RCBTB1: variants seen among roughly 807,000 people sequenced by gnomAD.
The protein encoded by RCBTB1 is RCC1 and BTB domain-containing protein 1.
A neutral mutation model predicts 62.4 loss-of-function variants in RCBTB1; 46 were observed. That is an observed-to-expected ratio of 0.74 (90% CI 0.58 to 0.94). The LOEUF is 0.94. RCBTB1 is among the 40% of genes least tolerant of loss of function. The pLI, the probability that RCBTB1 is intolerant of heterozygous loss-of-function variation, is 0.00. For synonymous variants in RCBTB1, 222 were observed against 245.8 expected, an observed-to-expected ratio of 0.90 and a Z score of 0.91; for missense variants, 565 against 654.9, an observed-to-expected ratio of 0.86 and a Z score of 1.50.
intron 6 of RCBTB1, among the ~76,000 whole-genome samples, chr13:49,552,884 G>C (rs1280742893): frequency 6.6e-6 from 1 of 152,046 alleles, no homozygotes; most frequent in Non-Finnish European, 1.5e-5. Flanking sequence ...GGTAGTGGTA[G>C]TAGAAAGACT....
chr13:49,534,989 G>A lies in RCBTB1; in HGVS notation c.1456-727C>T, dbSNP rs140664292. Reference sequence around the variant, plus strand: ...GCAGAGGTTGCGGTGAGCCGAGATCGCACCACTGCACTCTAGCCTGGGTGA... The same window carrying A: ...GCAGAGGTTGCGGTGAGCCGAGATCACACCACTGCACTCTAGCCTGGGTGA... On this transcript the variant is annotated intron_variant, in intron 12 of 12. Coordinates refer to ENST00000378302, the MANE Select transcript of RCBTB1 (RefSeq NM_018191.4). Among the ~76,000 whole-genome samples the A allele has an allele frequency of 2.3e-3, 344 of 149,552 alleles. 1 individual carries two copies. Among genetic ancestry groups the A allele is most frequent in the African/African-American group, 8.0e-3 (321 of 40,032 alleles).
At position 49,540,859 on chromosome 13, in the gene RCBTB1, T is replaced by C; in HGVS notation, c.1455+17A>G. ...GGAGTTAAAGGTGGTCTGGTTTCTG[T>C]TTGTTGTTTAAGTTACCTCTGCATC... On this transcript the variant is annotated intron_variant, in intron 12 of 12. Transcript: ENST00000378302. 6.2e-7 allele frequency: 1 copy of C among 1,609,690 alleles called. No homozygotes were observed. Among genetic ancestry groups the C allele is most frequent in the South Asian group, 1.1e-5 (1 of 90,070 alleles).
chr13:49,542,168 T>C (rs1172697197), intron 10 of RCBTB1, among the ~76,000 whole-genome samples: 1 of 151,038 alleles, frequency 6.6e-6, no homozygotes, highest in African/African-American at 2.4e-5. Context: ...GAGCCGAGAT[T>C]GCGCTTCTGC....
chr13:49,543,673 C>T (rs1275388662), intron 10 of RCBTB1, among the ~76,000 whole-genome samples: 1 of 152,174 alleles, frequency 6.6e-6, no homozygotes, highest in Non-Finnish European at 1.5e-5. Flanking sequence ...AGGTCCCTCA[C>T]ATTTATACAA....
intron 10 of RCBTB1, among the ~76,000 whole-genome samples, chr13:49,544,409 C>T (rs567347016): frequency 1.3e-4 from 20 of 152,232 alleles, no homozygotes; most frequent in South Asian, 1.0e-3. Context: ...GCAGAGGTTG[C>T]GGTGAGCTGA....
At chr13:49,535,712 C>T (rs1212227364) in intron 12 of RCBTB1, among the ~76,000 whole-genome samples, 1 of 152,130 alleles carries the variant, frequency 6.6e-6, no homozygotes, top group Non-Finnish European at 1.5e-5. Context: ...GAAACCCATC[C>T]AGTCACATAA....
intron 10 of RCBTB1, among the ~76,000 whole-genome samples, chr13:49,544,180 A>G (rs1422649702): frequency 6.6e-6 from 1 of 152,196 alleles, no homozygotes; most frequent in Non-Finnish European, 1.5e-5. Flanking sequence ...AATTTAAAAA[A>G]CAATATAAGC....
chr13:49,539,119 G>A (rs1374358636), intron 12 of RCBTB1, among the ~76,000 whole-genome samples: 2 of 151,678 alleles, frequency 1.3e-5, no homozygotes, highest in African/African-American at 2.4e-5. Flanking sequence ...GCCCACCTTG[G>A]CCTCCCAAAG....
chr13:49,540,496 T>C (rs1486310527), intron 12 of RCBTB1, among the ~76,000 whole-genome samples: 1 of 152,210 alleles, frequency 6.6e-6, no homozygotes, highest in African/African-American at 2.4e-5. Context: ...CCCCAGCTTA[T>C]GACAGGGCAG....
chr13:49,540,781 T>C (rs998699490), intron 12 of RCBTB1, 95 bp downstream of exon 12: 2 of 1,323,964 alleles, frequency 1.5e-6, no homozygotes, highest in East Asian at 4.9e-5. Flanking sequence ...AGAAGTGGAG[T>C]GACTCATCGT....
At chr13:49,565,152 T>C (rs1331734533) in intron 4 of RCBTB1, among the ~76,000 whole-genome samples, 3 of 152,184 alleles carry the variant, frequency 2.0e-5, no homozygotes, top group Non-Finnish European at 4.4e-5. Flanking sequence ...GTGCCTGCGA[T>C]TGCAGGGGCG....
At chr13:49,548,264 C>T (rs1056930723) in intron 9 of RCBTB1, among the ~76,000 whole-genome samples, 5 of 151,764 alleles carry the variant, frequency 3.3e-5, no homozygotes, top group Non-Finnish European at 7.4e-5. Flanking sequence ...TGGTGGCACG[C>T]GCCTGTAATC....
At chr13:49,559,883 A>C in intron 5 of RCBTB1, 35 bp downstream of exon 5, 1 of 1,580,132 alleles carries the variant, frequency 6.3e-7, no homozygotes, top group South Asian at 1.2e-5. Flanking sequence ...ATGATGAAAA[A>C]AAAAAAGAAT....
At chr13:49,539,465 TTGAGCCGAGACA>T (rs1222267353) in intron 12 of RCBTB1, 1 of 152,208 alleles carries the variant, frequency 6.6e-6, no homozygotes, top group Non-Finnish European at 1.5e-5. Flanking sequence ...TTCCAGCAAC[TTGAGCCGAGACA>T]TCTGCCTCTG....
chr13:49,555,329 A>C (rs1961753985), intron 6 of RCBTB1, among the ~76,000 whole-genome samples, 186 bp downstream of exon 6: 1 of 152,266 alleles, frequency 6.6e-6, no homozygotes, highest in African/African-American at 2.4e-5. Flanking sequence ...AAATCCTGGA[A>C]TTTAGAAAAG....
In RCBTB1 at chr13:49,532,196, A is replaced by AAAAAG. The variant is rs1959613137; in HGVS notation, c.*1925_*1926insCTTTT. The AAAAAG allele has an allele frequency of 6.6e-6, 1 of 151,802 alleles. No homozygotes were observed. The highest frequency in any genetic ancestry group is 1.5e-5 in the Non-Finnish European group (1 of 67,706). The allele number at this position is 151,802 out of a possible 1,614,324, so 9.4% of individuals were successfully genotyped here. On this transcript the variant is annotated 3_prime_UTR_variant, in exon 13 of 13. Transcript: ENST00000378302. ...AAAATAAGAGAGTGTATTTAAAAAA[A>AAAAAG]ATAATCAAATGCTTTTTGAAAGACC...
intron 9 of RCBTB1, 144 bp from the exon 10 acceptor site, chr13:49,545,007 T>C: frequency 1.6e-6 from 1 of 617,806 alleles, no homozygotes; most frequent in East Asian, 2.8e-5. Flanking sequence ...GACAAATCAA[T>C]TCTACGGTAT....
At chr13:49,564,832 A>G (rs1452080999) in intron 4 of RCBTB1, among the ~76,000 whole-genome samples, 4 of 151,916 alleles carry the variant, frequency 2.6e-5, no homozygotes, top group African/African-American at 4.8e-5. Context: ...TGGAGCATGC[A>G]GTGAGCCGAG....
chr13:49,583,763 G>T (rs911337411), intron 1 of RCBTB1, among the ~76,000 whole-genome samples: 4 of 152,134 alleles, frequency 2.6e-5, no homozygotes, highest in African/African-American at 9.7e-5. Context: ...GGCCAAGCTG[G>T]TCTTGAACTC....
Sources: gnomAD v4.1 joint callset for allele counts (sites outside exome capture counted in the v4.1 genomes callset) on GRCh38, gnomAD v4.1.1 for gene constraint, MANE v1.5 for transcripts, NCBI Gene and HGNC (gene_info 2026-07-23, HGNC 2026-07-21) for gene names.